PAPPA2: variants seen among roughly 807,000 people sequenced by gnomAD.
The protein encoded by PAPPA2 is pappalysin-2.
A neutral mutation model predicts 176.4 loss-of-function variants in PAPPA2; 86 were observed. The observed-to-expected ratio is 0.49, with a 90% CI of 0.41 to 0.58. The LOEUF is 0.58. Among genes scored for constraint, PAPPA2 ranks in the 20% least tolerant of loss-of-function variants. PAPPA2 has a pLI of 0.00. For synonymous variants in PAPPA2, 809 were observed against 852.2 expected (o/e 0.95, Z 0.88); for missense variants, 2,073 against 2,256.9 (o/e 0.92, Z 1.65).
intron 2 of PAPPA2, among the ~76,000 whole-genome samples, chr1:176,593,863 C>T (rs1004775642): frequency 1.3e-5 from 2 of 152,136 alleles, no homozygotes; most frequent in Non-Finnish European, 2.9e-5. Flanking sequence ...GTTTTTTAGG[C>T]TAGGACCATG....
intron 3 of PAPPA2, among the ~76,000 whole-genome samples, chr1:176,615,558 AC>A (rs1655157915): frequency 6.6e-6 from 1 of 151,998 alleles, no homozygotes; most frequent in Non-Finnish European, 1.5e-5. Flanking sequence ...CGATATCCTG[AC>A]CTCGTGATCC....
At chr1:176,571,924 G>C (rs1357146395) in intron 2 of PAPPA2, among the ~76,000 whole-genome samples, 1 of 152,192 alleles carries the variant, frequency 6.6e-6, no homozygotes, top group Non-Finnish European at 1.5e-5. Flanking sequence ...GTATGGGATA[G>C]TGAGAAGTGG....
intron 17 of PAPPA2, among the ~76,000 whole-genome samples, chr1:176,773,092 G>A (rs976899125): frequency 6.6e-6 from 1 of 152,124 alleles, no homozygotes; most frequent in Non-Finnish European, 1.5e-5. Context: ...GGCATTTGTG[G>A]ACACAGCTTT....
intron 4 of PAPPA2, among the ~76,000 whole-genome samples, chr1:176,681,499 G>T (rs1659584285): frequency 6.6e-6 from 1 of 152,132 alleles, no homozygotes; most frequent in Non-Finnish European, 1.5e-5. Context: ...GTGGGTTATG[G>T]CTTCACATGG....
At chr1:176,539,960 G>A (rs1263376719) in intron 1 of PAPPA2, among the ~76,000 whole-genome samples, 1 of 152,206 alleles carries the variant, frequency 6.6e-6, no homozygotes. Context: ...TTGTCTCTTG[G>A]AAAGCTGTGG....
chr1:176,564,747 A>T (rs1170053588), intron 2 of PAPPA2, among the ~76,000 whole-genome samples: 1 of 150,146 alleles, frequency 6.7e-6, no homozygotes, highest in Non-Finnish European at 1.5e-5. Flanking sequence ...TTTAGAAAAA[A>T]GCATACTGAG....
chr1:176,736,747 A>G (rs1662436419), intron 12 of PAPPA2, among the ~76,000 whole-genome samples: 1 of 150,940 alleles, frequency 6.6e-6, no homozygotes, highest in Admixed American at 6.6e-5. Context: ...TTTAATAAAT[A>G]CATTTTAAAC....
chr1:176,800,332 C>A (rs894255323), intron 21 of PAPPA2, among the ~76,000 whole-genome samples, 200 bp downstream of exon 21: 2 of 152,112 alleles, frequency 1.3e-5, no homozygotes, highest in Non-Finnish European at 2.9e-5. Flanking sequence ...TTAGCAAAAT[C>A]TTTGGAGATC....
At chr1:176,533,181 A>G (rs965695273) in intron 1 of PAPPA2, among the ~76,000 whole-genome samples, 3 of 152,340 alleles carry the variant, frequency 2.0e-5, no homozygotes, top group Admixed American at 1.3e-4. Flanking sequence ...CTCCCTCTTC[A>G]GGGGTGAACT....
Position 176,702,695 on chromosome 1 carries a change from A to G in PAPPA2, c.3325A>G (p.Ile1109Val), listed in dbSNP as rs754462519. 2 of 1,610,932 alleles carry G rather than the reference A, an allele frequency of 1.2e-6. No homozygotes were observed. Among genetic ancestry groups the G allele is most frequent in the East Asian group, 2.2e-5 (1 of 44,722 alleles). Residue 1109 changes from isoleucine (I) to valine (V), a missense_variant, in exon 9 of 23, where the codon ATT becomes GTT. Around this residue, in one of 4 missense-constraint regions of PAPPA2, gnomAD observed 846 missense variants for 857.9 expected, o/e 0.99. Coordinates refer to ENST00000367662, the MANE Select transcript of PAPPA2 (RefSeq NM_020318.3). ...LGEASPPLNH[I>V]HGAPYCGDGK... Reference sequence around the variant, plus strand: ...AGAAGCTTCGCCTCCTCTGAACCACATTCATGGAGCTCCTTATTGTGGAGA... The same window carrying G: ...AGAAGCTTCGCCTCCTCTGAACCACGTTCATGGAGCTCCTTATTGTGGAGA...
chr1:176,478,625 T>TG (rs1478280332), intron 1 of PAPPA2, among the ~76,000 whole-genome samples: 1 of 152,250 alleles, frequency 6.6e-6, no homozygotes, highest in Admixed American at 6.5e-5. Flanking sequence ...CAGTTGGGTT[T>TG]GAGAATGTGT....
At chr1:176,823,616 A>G (rs952377346) in intron 21 of PAPPA2, among the ~76,000 whole-genome samples, 3 of 152,184 alleles carry the variant, frequency 2.0e-5, no homozygotes, top group Non-Finnish European at 4.4e-5. Context: ...CTTCCATCTT[A>G]TTACTCTGTC....
intron 3 of PAPPA2, chr1:176,616,683 T>C: frequency 1.3e-6 from 2 of 1,532,750 alleles, no homozygotes; most frequent in Admixed American, 1.7e-5. Flanking sequence ...CTTCTTAAGC[T>C]CCTCTATAAA....
intron 3 of PAPPA2, among the ~76,000 whole-genome samples, chr1:176,604,374 A>G (rs888219849): frequency 2.0e-5 from 3 of 152,258 alleles, no homozygotes; most frequent in Admixed American, 6.5e-5. Flanking sequence ...CTCTCATACT[A>G]TAACACCTAC....
chr1:176,683,841 T>G (rs1659705965), intron 4 of PAPPA2, among the ~76,000 whole-genome samples: 1 of 152,292 alleles, frequency 6.6e-6, no homozygotes, highest in African/African-American at 2.4e-5. Context: ...TCTCAGATCA[T>G]ACAAACCTAT....
chr1:176,704,423 G>A (rs1237477908), intron 9 of PAPPA2, among the ~76,000 whole-genome samples: 1 of 152,002 alleles, frequency 6.6e-6, no homozygotes, highest in African/African-American at 2.4e-5. Context: ...TTGTCAATAG[G>A]ACTACCAAAA....
intron 4 of PAPPA2, among the ~76,000 whole-genome samples, chr1:176,674,347 T>G (rs1659169749): frequency 6.6e-6 from 1 of 152,138 alleles, no homozygotes; most frequent in African/African-American, 2.4e-5. Flanking sequence ...TCTGAGATTT[T>G]GGTGTACCCA....
intron 3 of PAPPA2, among the ~76,000 whole-genome samples, chr1:176,634,805 GATAGATAGAT>G (rs1558486619): frequency 8.8e-4 from 110 of 125,286 alleles, no homozygotes; most frequent in African/African-American, 2.2e-3. Flanking sequence ...GAGAGAGATA[GATAGATAGAT>G]AGATAGATAG....
At chr1:176,741,623 A>G (rs1018351072) in intron 14 of PAPPA2, among the ~76,000 whole-genome samples, 1 of 152,172 alleles carries the variant, frequency 6.6e-6, no homozygotes, top group Non-Finnish European at 1.5e-5. Context: ...GCATAGGGGC[A>G]TGAATCTCTG....
Sources: allele counts gnomAD v4.1 joint callset (sites outside exome capture counted in the v4.1 genomes callset), GRCh38; gene constraint gnomAD v4.1.1; regional missense constraint gnomAD v4.1.1; transcripts MANE v1.5; gene names NCBI Gene and HGNC (gene_info 2026-07-23, HGNC 2026-07-21).